The following ABCA2 variants were observed in gnomAD, a reference collection of about 807,000 sequenced individuals.
ABCA2 encodes ATP-binding cassette sub-family A member 2.
ABCA2 carries 84 observed loss-of-function variants against 262.8 expected under a neutral mutation model. That is an observed-to-expected ratio of 0.32 (90% CI 0.27 to 0.38). The LOEUF (loss-of-function observed/expected upper bound fraction) is 0.38, where lower values mean the gene tolerates loss of function less well. ABCA2 is among the 10% of genes least tolerant of loss of function. The pLI, the probability that ABCA2 is intolerant of heterozygous loss-of-function variation, is 1.00. For missense variants in ABCA2, 2,662 were observed against 3,405.9 expected (o/e 0.78, Z 5.44); for synonymous variants, 1,696 against 1,502.9 (o/e 1.13, Z -2.97).
intron 27 of ABCA2, 31 bp from the exon 28 acceptor site, chr9:137,014,069 G>A (rs1424435604): frequency 6.2e-7 from 1 of 1,603,804 alleles, no homozygotes; most frequent in East Asian, 2.2e-5. Flanking sequence ...TGAGCAGGTG[G>A]TTGCACGCTA....
Position 137,016,904 on chromosome 9 carries a change from A to C in ABCA2, c.2758+16T>G. 2 of 1,609,884 alleles carry C rather than the reference A, an allele frequency of 1.2e-6. No individual in the cohort carries two copies. Among genetic ancestry groups the C allele is most frequent in the Non-Finnish European group, 1.7e-6 (2 of 1,178,104 alleles). On this transcript the variant is annotated intron_variant, in intron 19 of 48. Transcript: ENST00000341511. ...GACCCCTGCCTCTCCCCTGCCCTCCAAGGGCTGGCCAGTACCTGGGTGCAC... is the reference window on the plus strand; with the variant it reads ...GACCCCTGCCTCTCCCCTGCCCTCCCAGGGCTGGCCAGTACCTGGGTGCAC...
chr9:137,016,463 G>A lies in ABCA2; in HGVS notation c.2932C>T (p.Arg978Cys), dbSNP rs372113315. Residue 978 changes from arginine to cysteine, a missense_variant, in exon 21 of 49, where the codon CGT (arginine) becomes TGT (cysteine). Around this residue, in one of 12 missense-constraint regions of ABCA2, gnomAD observed 133 missense variants for 150.8 expected, o/e 0.88. Transcript: ENST00000341511. ...AMESRRFEET[R>C]GMEEEPTHLP... is the part of the protein sequence containing the mutation. Reference sequence around the variant, plus strand: ...TGGGTGGGCTCCTCCTCCATGCCACGGGTCTCCTCTGCACCAGGGCTGTGG... The same window carrying A: ...TGGGTGGGCTCCTCCTCCATGCCACAGGTCTCCTCTGCACCAGGGCTGTGG... The A allele has an allele frequency of 5.6e-6, 9 of 1,612,762 alleles. No individual in the cohort carries two copies. Among genetic ancestry groups the A allele is most frequent in the Admixed American group, 1.7e-5 (1 of 60,020 alleles).
At chr9:137,016,805 C>T (rs958422420) in intron 19 of ABCA2, 67 bp from the exon 20 acceptor site, 18 of 1,539,118 alleles carry the variant, frequency 1.2e-5, no homozygotes, top group South Asian at 3.6e-5. Context: ...ACGTGGGCCA[C>T]GTGCCCACCC....
At position 137,015,582 on chromosome 9, in the gene ABCA2, G is replaced by A. The variant is rs1831228566; in HGVS notation, c.3529C>T (p.Leu1177=). 6.2e-7 allele frequency: 1 copy of A among 1,612,506 alleles called. No individual in the cohort carries two copies. Among genetic ancestry groups the A allele is most frequent in the South Asian group, 1.1e-5 (1 of 91,088 alleles). ...LKYKPGRTIL[L]STHHMDEADL... is the part of the protein sequence containing the mutation. ...GCCTCATCCATGTGGTGGGTGGACAGAAGGATGGTGCGGCCTAGGACAAGG... is the reference window on the plus strand; with the variant it reads ...GCCTCATCCATGTGGTGGGTGGACAAAAGGATGGTGCGGCCTAGGACAAGG... The change falls in exon 24 of 49, where the codon CTG becomes TTG. Residue 1177 remains leucine (L), a synonymous_variant. Coordinates refer to ENST00000341511, the MANE Select transcript of ABCA2 (RefSeq NM_001606.5).
At chr9:137,028,355 T>G, upstream of ABCA2, 1 of 826,652 alleles carries the variant, frequency 1.2e-6, no homozygotes, top group Non-Finnish European at 1.5e-6. This position sits in a 1 kb window ranked among gnomAD's most constrained non-coding sequence, Gnocchi z 6.9. Flanking sequence ...CCGCGCTCCG[T>G]CCGCGCCCGC....
chr9:137,012,545 G>T lies in ABCA2; in HGVS notation c.5127C>A (p.Ala1709=). The T allele has an allele frequency of 6.2e-7, 1 of 1,612,080 alleles. No homozygotes were observed. The highest frequency in any genetic ancestry group is 8.5e-7 in the Non-Finnish European group (1 of 1,179,900). ...TGGGTGGGGCCCTGGTGCCAAATGAGGCTGGGATGGACTTCAGGACGTTTC... is the reference window on the plus strand; with the variant it reads ...TGGGTGGGGCCCTGGTGCCAAATGATGCTGGGATGGACTTCAGGACGTTTC... ...TFGNVLKSIP[A]SFGTRAPPMV... The change falls in exon 32 of 49, where the codon GCC becomes GCA. Residue 1709 remains alanine, a synonymous_variant. Coordinates refer to ENST00000341511, the MANE Select transcript of ABCA2 (RefSeq NM_001606.5).
At position 137,014,863 on chromosome 9, in the gene ABCA2, C is replaced by T. The variant is rs561429334; in HGVS notation, c.3882+50G>A. Reference sequence around the variant, plus strand: ...CGGCAGGGACGCCCAGGCAGGAGTGCGCCCACCTCCACCACCTGCAACTGC... The same window carrying T: ...CGGCAGGGACGCCCAGGCAGGAGTGTGCCCACCTCCACCACCTGCAACTGC... On this transcript the variant is annotated intron_variant, in intron 25 of 48. Transcript: ENST00000341511. The T allele has an allele frequency of 4.6e-4, 724 of 1,575,598 alleles. 12 individuals carry two copies. In the South Asian group the frequency reaches 7.4e-3, roughly 16 times the overall value.
At chr9:137,024,080 C>T (rs1027047129) in intron 2 of ABCA2, 63 bp downstream of exon 2, 8 of 1,538,390 alleles carry the variant, frequency 5.2e-6, no homozygotes. Context: ...TGTGCACACA[C>T]AGCGCAGGCG....
At position 137,010,106 on chromosome 9, in the gene ABCA2, G is replaced by A. The variant is rs916088956; in HGVS notation, c.6372C>T (p.Leu2124=). 1.9e-6 allele frequency: 3 copies of A among 1,596,216 alleles called. No homozygotes were observed. Among genetic ancestry groups the A allele is most frequent in the South Asian group, 1.1e-5 (1 of 90,104 alleles). The change falls in exon 42 of 49, where the codon CTC becomes CTT. Residue 2124 remains leucine, a synonymous_variant. Coordinates refer to ENST00000341511, the MANE Select transcript of ABCA2 (RefSeq NM_001606.5). The part of the protein sequence containing the change: ...VNGHSVLKEL[L]QVQQSLGYCP... ...AGTAGCCGAGGCTCTGCTGCACCTG[G>A]AGCAGCTCCTTCAGCACGCTGGGGA... is the stretch of plus-strand genomic sequence containing the variant.
chr9:137,017,751 A>AGCCCGCGCCTCCAGGGAGAGTCCCG (rs1230516185), intron 16 of ABCA2, 36 bp downstream of exon 16: 1 of 1,609,904 alleles, frequency 6.2e-7, no homozygotes, highest in Non-Finnish European at 8.5e-7. Flanking sequence ...CCTCCCTGCC[A>AGCCCGCGCCTCCAGGGAGAGTCCCG]GCCCGCGCCT....
intron 5 of ABCA2, 84 bp downstream of exon 5, chr9:137,022,618 C>G: frequency 6.4e-7 from 1 of 1,559,426 alleles, no homozygotes; most frequent in Middle Eastern, 1.8e-4. Flanking sequence ...GGTGGAGGGG[C>G]CCAGAGTGGA....
chr9:137,018,128 C>T (rs542050472), intron 14 of ABCA2, 50 bp downstream of exon 14: 2 of 1,609,926 alleles, frequency 1.2e-6, no homozygotes, highest in South Asian at 1.1e-5. Context: ...GTCCTCACAC[C>T]TGTCCTCCCC....
intron 13 of ABCA2, 21 bp from the exon 14 acceptor site, chr9:137,018,372 C>T (rs1172553031): frequency 7.2e-6 from 3 of 415,462 alleles, no homozygotes; most frequent in East Asian, 1.1e-4. Context: ...GAGGTTGGGG[C>T]GGGGCCAAGA....
In ABCA2 at chr9:137,009,024, C is replaced by T. The variant is rs1165669857; in HGVS notation, c.6857G>A (p.Arg2286Gln). Residue 2286 changes from arginine (R) to glutamine (Q), a missense_variant, in exon 46 of 49, where the codon CGG becomes CAG. Physicochemically the swap from Arg to Gln is conservative, Grantham distance 43. This residue lies in a region of ABCA2 where 212 missense variants were observed against 214.4 expected (regional missense o/e 0.99). Coordinates refer to ENST00000341511, the MANE Select transcript of ABCA2 (RefSeq NM_001606.5). ...CTTCACACTCTGGCTGCTCTTGGTC[C>T]GCACCGTGATCATGTAGCCATCTCC... Reference protein sequence around the residue: ...RFGDGYMITVRTKSSQSVKDV... With the variant: ...RFGDGYMITVQTKSSQSVKDV... 7 of 1,608,614 alleles carry T rather than the reference C, an allele frequency of 4.4e-6. No homozygotes were observed. The highest frequency in any genetic ancestry group is 1.3e-5 in the African/African-American group (1 of 74,820).
Position 137,021,758 on chromosome 9 carries a change from G to A in ABCA2, c.678+133C>T. ...GCCTCTACCCCTCATGCCTGCCATAGACCCCTGGGACCCTCCCCCTCTCCC... is the reference window on the plus strand; with the variant it reads ...GCCTCTACCCCTCATGCCTGCCATAAACCCCTGGGACCCTCCCCCTCTCCC... On this transcript the variant is annotated intron_variant, in intron 7 of 48. Coordinates refer to ENST00000341511, the MANE Select transcript of ABCA2 (RefSeq NM_001606.5). This position sits in a 1 kb window ranked among gnomAD's most constrained non-coding sequence, Gnocchi z 6.0. 3.3e-6 allele frequency: 4 copies of A among 1,206,338 alleles called. No homozygotes were observed. The highest frequency in any genetic ancestry group is 4.7e-6 in the Non-Finnish European group (4 of 852,192). The allele number at this position is 1,206,338 out of a possible 1,614,324, so 74.7% of individuals were successfully genotyped here. A position where few individuals can be genotyped will look rare whatever the true frequency, so the allele number is the denominator to read the frequency against.
chr9:137,028,087 T>C lies in ABCA2; in HGVS notation c.54A>G (p.Lys18=). 1.0e-6 allele frequency: 1 copy of C among 988,154 alleles called. No individual in the cohort carries two copies. The highest frequency in any genetic ancestry group is 1.2e-6 in the Non-Finnish European group (1 of 831,790). 61.2% of individuals were successfully genotyped at this position (988,154 alleles called of 1,614,324 possible). A position where few individuals can be genotyped will look rare whatever the true frequency, so the allele number is the denominator to read the frequency against. ...QLLLWKNVTL[K]RRSPWVLAFE... is the part of the protein sequence containing the mutation. ...GGGGTGGGCTCACCGGGCTCCGGCG[T>C]TTGAGCGTCACGTTCTTCCAGAGCA... Residue 18 remains lysine, a synonymous_variant, in exon 1 of 49, where the codon AAA becomes AAG. Transcript: ENST00000341511. This position sits in a 1 kb window ranked among gnomAD's most constrained non-coding sequence, Gnocchi z 6.9.
chr9:137,028,267 C>G, upstream of ABCA2: 2 of 978,196 alleles, frequency 2.0e-6, no homozygotes, highest in South Asian at 4.6e-5. This position sits in a 1 kb window ranked among gnomAD's most constrained non-coding sequence, Gnocchi z 6.9. Flanking sequence ...GTCCGGGACC[C>G]GATCCGCGCT....
chr9:137,010,764 A>G (rs1441631073), intron 39 of ABCA2, 27 bp from the exon 40 acceptor site: 1 of 1,593,072 alleles, frequency 6.3e-7, no homozygotes, highest in East Asian at 2.2e-5. Flanking sequence ...GACAGTGTCC[A>G]GCAGCTCGCC....
chr9:137,007,718 C>T lies in ABCA2; in HGVS notation c.*211G>A, dbSNP rs992206289. The T allele has an allele frequency of 2.8e-5, 19 of 671,064 alleles. No individual in the cohort carries two copies. The highest frequency in any genetic ancestry group is 1.1e-4 in the East Asian group (4 of 36,396). The allele number at this position is 671,064 out of a possible 1,614,324, so 41.6% of individuals were successfully genotyped here. ...GGGCAAGGGTGTACGCAGCCCGGGC[C>T]GGGTCAGCCTTTGGCACAATTAGGG... On this transcript the variant is annotated 3_prime_UTR_variant, in exon 49 of 49. Coordinates refer to ENST00000341511, the MANE Select transcript of ABCA2 (RefSeq NM_001606.5).
Sources: allele counts gnomAD v4.1 joint callset, GRCh38; gene constraint gnomAD v4.1.1; regional missense constraint gnomAD v4.1.1; non-coding constraint Gnocchi (gnomAD v3.1); transcripts MANE v1.5; gene names NCBI Gene and HGNC (gene_info 2026-07-23, HGNC 2026-07-21).